KCND2: variants seen among roughly 807,000 people sequenced by gnomAD.
KCND2 encodes the protein A-type voltage-gated potassium channel KCND2.
In KCND2, 16 loss-of-function variants were observed where a neutral mutation model predicts 54.4. The ratio of observed to expected loss-of-function variants is 0.29; its 90% CI spans 0.20 to 0.45. The LOEUF is 0.45. KCND2 is among the 20% of genes least tolerant of loss of function. The probability of loss-of-function intolerance (pLI) is 1.00; values close to 1 mark genes in which losing one functional copy is unlikely to be tolerated. For missense variants in KCND2, 486 were observed against 824.2 expected (o/e 0.59, Z 5.02); for synonymous variants, 317 against 310.7 (o/e 1.02, Z -0.21).
intron 1 of KCND2, among the ~76,000 whole-genome samples, chr7:120,466,229 C>G (rs757838272): frequency 5.9e-5 from 9 of 152,038 alleles, no homozygotes; most frequent in South Asian, 2.1e-4. Context: ...ATCAATAATA[C>G]CACAGTTAGC....
intron 1 of KCND2, among the ~76,000 whole-genome samples, chr7:120,550,622 A>G (rs1199728977): frequency 6.6e-6 from 1 of 152,154 alleles, no homozygotes; most frequent in Admixed American, 6.6e-5. Flanking sequence ...TTTGTAGTCA[A>G]CCACAGAAGG....
chr7:120,370,283 G>A (rs894916823), intron 1 of KCND2, among the ~76,000 whole-genome samples: 43 of 151,956 alleles, frequency 2.8e-4, no homozygotes, highest in Admixed American at 2.2e-3. Context: ...AATCAGAAAG[G>A]GACAGGGGAG....
At chr7:120,448,014 C>A (rs10272745) in intron 1 of KCND2, among the ~76,000 whole-genome samples, 41,853 of 151,976 alleles carry the variant, frequency 0.28, 8,372 homozygotes, top group East Asian at 0.56. Context: ...AAACTGGACC[C>A]AAAAAACCTT....
At chr7:120,557,539 TC>T (rs1792180258) in intron 1 of KCND2, among the ~76,000 whole-genome samples, 1 of 152,128 alleles carries the variant, frequency 6.6e-6, no homozygotes, top group Admixed American at 6.5e-5. Flanking sequence ...TCCATTTATT[TC>T]CCTCCTCATG....
At chr7:120,474,175 C>T (rs1240942641) in intron 1 of KCND2, among the ~76,000 whole-genome samples, 1 of 152,142 alleles carries the variant, frequency 6.6e-6, no homozygotes, top group Non-Finnish European at 1.5e-5. Flanking sequence ...TGGTGAGGCC[C>T]TCCGTGGTGA....
At chr7:120,556,765 T>C (rs1422264688) in intron 1 of KCND2, among the ~76,000 whole-genome samples, 1 of 152,188 alleles carries the variant, frequency 6.6e-6, no homozygotes, top group Non-Finnish European at 1.5e-5. Flanking sequence ...GCAAATGACC[T>C]AGACTTACAA....
chr7:120,552,544 A>G (rs1792115685), intron 1 of KCND2, among the ~76,000 whole-genome samples: 1 of 152,230 alleles, frequency 6.6e-6, no homozygotes, highest in Non-Finnish European at 1.5e-5. Flanking sequence ...TTGATGAAAA[A>G]TGAAAACTCA....
chr7:120,527,742 G>GT (rs1791793631), intron 1 of KCND2, among the ~76,000 whole-genome samples: 2 of 151,686 alleles, frequency 1.3e-5, no homozygotes, highest in South Asian at 4.2e-4. Flanking sequence ...AAGCAAAAAT[G>GT]TAAGTATAAT....
At chr7:120,324,075 T>C (rs895471286) in intron 1 of KCND2, among the ~76,000 whole-genome samples, 15 of 151,224 alleles carry the variant, frequency 9.9e-5, no homozygotes, top group Non-Finnish European at 5.9e-5. Context: ...TTTCCTGTGT[T>C]TTTTGGGTGC....
At chr7:120,503,466 T>C (rs529080236) in intron 1 of KCND2, among the ~76,000 whole-genome samples, 20 of 152,072 alleles carry the variant, frequency 1.3e-4, no homozygotes, top group Middle Eastern at 3.4e-3. Context: ...TGTACTTTTT[T>C]CAGTCACTTT....
intron 1 of KCND2, among the ~76,000 whole-genome samples, chr7:120,333,445 A>G (rs1800096501): frequency 6.6e-6 from 1 of 152,102 alleles, no homozygotes; most frequent in Admixed American, 6.6e-5. Flanking sequence ...AGAAATAGAA[A>G]ATATAACATG....
intron 1 of KCND2, among the ~76,000 whole-genome samples, chr7:120,441,811 G>A (rs896202362): frequency 2.0e-5 from 3 of 152,018 alleles, no homozygotes. Context: ...AAAATTTATG[G>A]TTATGCCACA....
chr7:120,331,623 TTG>T (rs541895732), intron 1 of KCND2, among the ~76,000 whole-genome samples: 1 of 152,086 alleles, frequency 6.6e-6, no homozygotes, highest in Non-Finnish European at 1.5e-5. Flanking sequence ...TTGATTTTGT[TTG>T]TGTTAGTTTT....
intron 1 of KCND2, among the ~76,000 whole-genome samples, chr7:120,461,001 C>A (rs984996258): frequency 2.2e-4 from 34 of 152,148 alleles, no homozygotes; most frequent in Admixed American, 2.0e-4. Context: ...GTTTCTACTT[C>A]ATGCTTTATT....
intron 1 of KCND2, among the ~76,000 whole-genome samples, chr7:120,576,107 C>T (rs575234810): frequency 6.6e-6 from 1 of 152,238 alleles, no homozygotes; most frequent in East Asian, 1.9e-4. Flanking sequence ...ATCATGCTAT[C>T]TCACTACAAC....
chr7:120,394,714 G>A (rs1801128457), intron 1 of KCND2, among the ~76,000 whole-genome samples: 2 of 151,954 alleles, frequency 1.3e-5, no homozygotes, highest in Non-Finnish European at 2.9e-5. Flanking sequence ...CCAGGAATAA[G>A]CAAGGGAGAG....
rs180734195 is a variant in KCND2, at chr7:120,550,982, A to T, written c.1116-181921A>T. On this transcript the variant is annotated intron_variant, in intron 1 of 5. Transcript: ENST00000331113. Reference sequence around the variant, plus strand: ...TTATGTTGAAAGTCCACAATGAAAGAGAAGTAAAGAATAAAGAGAATTTGC... The same window carrying T: ...TTATGTTGAAAGTCCACAATGAAAGTGAAGTAAAGAATAAAGAGAATTTGC... Among the ~76,000 whole-genome samples, 3 of 152,316 alleles carry T rather than the reference A, an allele frequency of 2.0e-5. No homozygotes were observed. In the East Asian group the frequency reaches 5.8e-4, roughly 29 times the overall value.
chr7:120,603,399 A>T (rs988387360), intron 1 of KCND2, among the ~76,000 whole-genome samples: 1 of 152,202 alleles, frequency 6.6e-6, no homozygotes, highest in Non-Finnish European at 1.5e-5. Context: ...GCCCCAGACT[A>T]GACCATTTCT....
At chr7:120,287,356 A>G (rs1799361116) in intron 1 of KCND2, among the ~76,000 whole-genome samples, 3 of 152,160 alleles carry the variant, frequency 2.0e-5, no homozygotes, top group African/African-American at 7.2e-5. Context: ...GATCATCAGG[A>G]TTAGGATTAC....
Sources: allele counts gnomAD v4.1 joint callset (sites outside exome capture counted in the v4.1 genomes callset), GRCh38; gene constraint gnomAD v4.1.1; transcripts MANE v1.5; gene names NCBI Gene and HGNC (gene_info 2026-07-23, HGNC 2026-07-21).